Variants in ZNF608 observed in about 807,000 individuals in gnomAD.
ZNF608 encodes zinc finger protein 608, also known as renal carcinoma antigen NY-REN-36.
In ZNF608, 12 loss-of-function variants were observed where a neutral mutation model predicts 109.0. The observed-to-expected ratio is 0.11, with a 90% CI of 0.07 to 0.18. The LOEUF (loss-of-function observed/expected upper bound fraction) is 0.18, where lower values mean the gene tolerates loss of function less well. Ranked by LOEUF, ZNF608 falls within the 10% of genes least tolerant of loss-of-function variation. The pLI is 1.00. For synonymous variants in ZNF608, 732 were observed against 717.4 expected (o/e 1.02, Z -0.33); for missense variants, 1,707 against 1,879.3 (o/e 0.91, Z 1.70).
At chr5:124,727,952 T>C (rs1003565113) in intron 2 of ZNF608, among the ~76,000 whole-genome samples, 4 of 152,152 alleles carry the variant, frequency 2.6e-5, no homozygotes, top group Non-Finnish European at 4.4e-5. Flanking sequence ...TTGGTCGGGC[T>C]GGTCTCGAAC....
chr5:124,637,317 C>T lies in ZNF608; in HGVS notation c.*583G>A, dbSNP rs1029883995. On this transcript the variant is annotated 3_prime_UTR_variant, in exon 10 of 10. Coordinates refer to ENST00000513986, the MANE Select transcript of ZNF608 (RefSeq NM_020747.3). ...CCAAAAGTACTTTTTCCACAATACA[C>T]AAGTACAAACAGTGACTACAGGAAC... The T allele has an allele frequency of 6.6e-6, 1 of 152,564 alleles. No homozygotes were observed. The highest frequency in any genetic ancestry group is 1.5e-5 in the Non-Finnish European group (1 of 68,038). The allele number at this position is 152,564 out of a possible 1,614,324, so 9.5% of individuals were successfully genotyped here.
intron 3 of ZNF608, among the ~76,000 whole-genome samples, chr5:124,682,167 G>T (rs979100769): frequency 6.6e-6 from 1 of 152,302 alleles, no homozygotes; most frequent in South Asian, 2.1e-4. Context: ...CCGCCTCCCA[G>T]GTTCAAGCGA....
intron 3 of ZNF608, among the ~76,000 whole-genome samples, chr5:124,681,199 T>C (rs1752182554): frequency 2.0e-5 from 3 of 152,180 alleles, no homozygotes; most frequent in African/African-American, 7.2e-5. Flanking sequence ...ACGCCTGTAA[T>C]CCCAACACTT....
chr5:124,734,282 G>A (rs1490574483), intron 2 of ZNF608, among the ~76,000 whole-genome samples: 2 of 152,116 alleles, frequency 1.3e-5, no homozygotes, highest in Non-Finnish European at 2.9e-5. Context: ...AAATTCTCCA[G>A]TACTTGAGAA....
At position 124,648,099 on chromosome 5, in the gene ZNF608, G is replaced by A. The variant is rs1235730565; in HGVS notation, c.2285C>T (p.Thr762Ile). 4 of 1,614,084 alleles carry A rather than the reference G, an allele frequency of 2.5e-6. No individual in the cohort carries two copies. The highest frequency in any genetic ancestry group is 1.1e-5 in the South Asian group (1 of 91,076). The stretch of plus-strand genomic sequence containing the variant: ...GGAGGGCAGTCCGGGTATTGTCCCA[G>A]TGGTGGTCGTTGTAAAGGTTGCAGT... ...IPTATFTTTT[T>I]GTIPGLPSLT... Residue 762 changes from threonine to isoleucine, a missense_variant, in exon 5 of 10, where the codon ACT becomes ATT. Thr to Ile is a moderately conservative substitution (Grantham distance 89). Transcript: ENST00000513986.
Position 124,649,641 on chromosome 5 carries a change from C to T in ZNF608, c.1219G>A (p.Asp407Asn). 1 of 1,611,464 alleles carries T rather than the reference C, an allele frequency of 6.2e-7. No individual in the cohort carries two copies. The highest frequency in any genetic ancestry group is 8.5e-7 in the Non-Finnish European group (1 of 1,178,272). The change falls in exon 4 of 10, where the codon GAC becomes AAC. Residue 407 changes from aspartate (D) to asparagine (N), a missense_variant. Transcript: ENST00000513986. ...GGGGCCCAGTCGTGCTTGGTGCAGT[C>T]CAGTAGGGTTCCCACGTACGTTTTG... ...RNKTYVGTLL[D>N]CTKHDWAPPR...
At chr5:124,646,634 C>A in intron 5 of ZNF608, 45 bp downstream of exon 5, 1 of 1,573,088 alleles carries the variant, frequency 6.4e-7, no homozygotes, top group South Asian at 1.2e-5. Context: ...TAATACAAGT[C>A]TCAGACTGCT....
chr5:124,657,615 T>TA (rs1471790285), intron 3 of ZNF608, among the ~76,000 whole-genome samples: 2 of 152,054 alleles, frequency 1.3e-5, no homozygotes, highest in Non-Finnish European at 2.9e-5. Context: ...GCAGAGCTTA[T>TA]AGTGACCTGA....
intron 3 of ZNF608, among the ~76,000 whole-genome samples, chr5:124,697,012 T>TA (rs548152762): frequency 3.3e-5 from 5 of 152,016 alleles, no homozygotes; most frequent in African/African-American, 4.8e-5. Context: ...TAGTGGGTTT[T>TA]AAAAGCTCCC....
chr5:124,696,110 G>A (rs1752839465), intron 3 of ZNF608, among the ~76,000 whole-genome samples: 1 of 151,948 alleles, frequency 6.6e-6, no homozygotes, highest in African/African-American at 2.4e-5. Flanking sequence ...CTTGAACCCG[G>A]GAGGTGGAGG....
At chr5:124,701,824 T>C (rs1294209331) in intron 2 of ZNF608, among the ~76,000 whole-genome samples, 1 of 152,226 alleles carries the variant, frequency 6.6e-6, no homozygotes, top group Admixed American at 6.5e-5. Context: ...ATTGTTAGCA[T>C]GTATTAAGCA....
chr5:124,638,780 A>G lies in ZNF608; in HGVS notation c.4532+353T>C. ...TTTAAAATATCAAAGAACAAACATTACCTTTAGCATTATGAAAATAAATGT... is the reference window on the plus strand; with the variant it reads ...TTTAAAATATCAAAGAACAAACATTGCCTTTAGCATTATGAAAATAAATGT... On this transcript the variant is annotated intron_variant, in intron 9 of 9. Coordinates refer to ENST00000513986, the MANE Select transcript of ZNF608 (RefSeq NM_020747.3). 2 of 1,014,924 alleles carry G rather than the reference A, an allele frequency of 2.0e-6. 1 individual carries two copies. Among genetic ancestry groups the G allele is most frequent in the Middle Eastern group, 5.2e-4 (2 of 3,818 alleles). The allele number at this position is 1,014,924 out of a possible 1,614,324, so 62.9% of individuals were successfully genotyped here.
chr5:124,723,113 C>T (rs1753999910), intron 2 of ZNF608, among the ~76,000 whole-genome samples: 1 of 151,678 alleles, frequency 6.6e-6, no homozygotes, highest in South Asian at 2.1e-4. Context: ...TCACTGCAGC[C>T]TCCGCCTCCC....
At position 124,744,816 on chromosome 5, in the gene ZNF608, A is replaced by G. The variant is rs917503186; in HGVS notation, c.174T>C (p.Ser58=). ...FEMNNSTTTT[S]SSNSKDCGGP... ...CTCCACAATCCTTGGAGTTGCTGCT[A>G]CTAGTGGTGGTGGTGGAATTATTCA... The change falls in exon 2 of 10, where the codon AGT becomes AGC. Residue 58 remains serine, a synonymous_variant. Coordinates refer to ENST00000513986, the MANE Select transcript of ZNF608 (RefSeq NM_020747.3). This position sits in a 1 kb window ranked among gnomAD's most constrained non-coding sequence, Gnocchi z 4.5. 12 of 1,614,076 alleles carry G rather than the reference A, an allele frequency of 7.4e-6. No individual in the cohort carries two copies. The highest frequency in any genetic ancestry group is 9.3e-6 in the Non-Finnish European group (11 of 1,180,022).
chr5:124,644,420 C>T lies in ZNF608; in HGVS notation c.3947G>A (p.Arg1316Gln), dbSNP rs149693964. The T allele has an allele frequency of 2.2e-4, 349 of 1,613,978 alleles. 1 individual carries two copies. The highest frequency in any genetic ancestry group is 2.9e-4 in the Non-Finnish European group (338 of 1,180,036). Residue 1316 changes from arginine to glutamine, a missense_variant, in exon 6 of 10, where the codon CGA becomes CAA. Coordinates refer to ENST00000513986, the MANE Select transcript of ZNF608 (RefSeq NM_020747.3). ...GTCCTTCCAGTTCACAGGAGTCTTT[C>T]GATCATCATTTTTCAGCTTGCTCTC... ...MEESKLKNDD[R>Q]KTPVNWKDSR...
chr5:124,673,815 T>C (rs904247862), intron 3 of ZNF608, among the ~76,000 whole-genome samples: 8 of 152,198 alleles, frequency 5.3e-5, no homozygotes, highest in African/African-American at 1.9e-4. Flanking sequence ...TTCAAGGATA[T>C]ATACAGCATG....
chr5:124,735,136 A>C (rs1264203713), intron 2 of ZNF608: 1 of 152,250 alleles, frequency 6.6e-6, no homozygotes, highest in Non-Finnish European at 1.5e-5. Flanking sequence ...ATTCAAGAGC[A>C]TTAATTTGTT....
At chr5:124,726,662 T>TA (rs142658513) in intron 2 of ZNF608, among the ~76,000 whole-genome samples, 1,866 of 135,522 alleles carry the variant, frequency 0.014, 27 homozygotes, top group South Asian at 0.022. Flanking sequence ...AAGATTTGTT[T>TA]AAAAAAAAAA....
At chr5:124,689,310 G>A (rs1752516282) in intron 3 of ZNF608, among the ~76,000 whole-genome samples, 1 of 152,084 alleles carries the variant, frequency 6.6e-6, no homozygotes, top group South Asian at 2.1e-4. Context: ...TTAGCCAGGT[G>A]TGGTGGTACA....
Sources: allele counts gnomAD v4.1 joint callset (sites outside exome capture counted in the v4.1 genomes callset), GRCh38; gene constraint gnomAD v4.1.1; non-coding constraint Gnocchi (gnomAD v3.1); transcripts MANE v1.5; gene names NCBI Gene and HGNC (gene_info 2026-07-23, HGNC 2026-07-21).